WWOX: variants seen among roughly 807,000 people sequenced by gnomAD.
WWOX encodes the protein WW domain-containing oxidoreductase.
A neutral mutation model predicts 46.2 loss-of-function variants in WWOX; 69 were observed. The ratio of observed to expected loss-of-function variants is 1.49; its 90% CI spans 1.23 to 1.82. The LOEUF (loss-of-function observed/expected upper bound fraction) is 1.82. WWOX is among the 40% of genes most tolerant of loss of function. The pLI is 0.00. For missense variants in WWOX, 919 were observed against 542.6 expected, an observed-to-expected ratio of 1.69 and a Z score of -6.89; for synonymous variants, 359 against 202.6, an observed-to-expected ratio of 1.77 and a Z score of -6.56.
chr16:79,146,187 G>A (rs911274753), intron 8 of WWOX, among the ~76,000 whole-genome samples: 2 of 152,112 alleles, frequency 1.3e-5, no homozygotes, highest in African/African-American at 4.8e-5. Flanking sequence ...ATGAGCTCTT[G>A]GATTATGTTA....
chr16:78,386,228 C>T (rs560982481), intron 5 of WWOX, among the ~76,000 whole-genome samples: 1 of 152,306 alleles, frequency 6.6e-6, no homozygotes, highest in Non-Finnish European at 1.5e-5. Context: ...CAGCCCGTGG[C>T]AGGCCCTAAG....
At chr16:79,080,205 G>C (rs1033365654) in intron 8 of WWOX, among the ~76,000 whole-genome samples, 5 of 152,166 alleles carry the variant, frequency 3.3e-5, no homozygotes, top group Admixed American at 6.5e-5. Context: ...ATCCCACAGT[G>C]ACACAGCCAA....
chr16:78,530,747 A>G (rs1302649046), intron 8 of WWOX, among the ~76,000 whole-genome samples: 2 of 152,188 alleles, frequency 1.3e-5, no homozygotes, highest in African/African-American at 4.8e-5. Flanking sequence ...TGTCCCTATC[A>G]TTGATACCTG....
At chr16:78,983,870 C>CTTTTTTTTTTTTTT (rs760130115) in intron 8 of WWOX, among the ~76,000 whole-genome samples, 1 of 79,864 alleles carries the variant, frequency 1.3e-5, no homozygotes, top group Non-Finnish European at 2.2e-5. Context: ...GAGAGCTATT[C>CTTTTTTTTTTTTTT]TTTTTTTTTT....
intron 8 of WWOX, among the ~76,000 whole-genome samples, chr16:78,579,150 C>G (rs1199040914): frequency 2.6e-5 from 4 of 152,270 alleles, no homozygotes; most frequent in Non-Finnish European, 5.9e-5. Flanking sequence ...TTAAAAATCA[C>G]TTTAATGATT....
chr16:78,636,469 CTG>C (rs2046574091), intron 8 of WWOX, among the ~76,000 whole-genome samples: 1 of 152,212 alleles, frequency 6.6e-6, no homozygotes, highest in East Asian at 1.9e-4. Flanking sequence ...TTTGAATAAA[CTG>C]ATACTGACTT....
chr16:79,169,134 T>C (rs540047051), intron 8 of WWOX, among the ~76,000 whole-genome samples: 1 of 152,296 alleles, frequency 6.6e-6, no homozygotes, highest in African/African-American at 2.4e-5. Flanking sequence ...AGTCAACAAA[T>C]TTGGCCCATG....
intron 8 of WWOX, among the ~76,000 whole-genome samples, chr16:78,478,615 C>T (rs1245650356): frequency 3.3e-5 from 5 of 152,174 alleles, no homozygotes; most frequent in Admixed American, 2.6e-4. Flanking sequence ...CCTTTGGAAG[C>T]TGCATTAATT....
At chr16:78,848,290 T>C (rs948669882) in intron 8 of WWOX, among the ~76,000 whole-genome samples, 4 of 150,784 alleles carry the variant, frequency 2.7e-5, no homozygotes, top group Admixed American at 6.6e-5. Context: ...TTGATGTTGT[T>C]GTTAATGTTG....
At chr16:79,018,260 A>G (rs145633428) in intron 8 of WWOX, among the ~76,000 whole-genome samples, 98 of 152,302 alleles carry the variant, frequency 6.4e-4, no homozygotes, top group African/African-American at 2.1e-3. Context: ...AAAATCAGCA[A>G]TCAGCCATTT....
At chr16:78,369,060 C>T (rs1050654215) in intron 5 of WWOX, among the ~76,000 whole-genome samples, 9 of 149,772 alleles carry the variant, frequency 6.0e-5, no homozygotes, top group Admixed American at 1.3e-4. Context: ...TTTTTCTTTC[C>T]CTTTTTTTTT....
intron 8 of WWOX, among the ~76,000 whole-genome samples, chr16:78,944,177 T>G (rs992464008): frequency 6.6e-6 from 1 of 152,204 alleles, no homozygotes; most frequent in Admixed American, 6.5e-5. Context: ...CTTTCAAGAC[T>G]CAGCACAACA....
chr16:78,531,045 C>G (rs78513494), intron 8 of WWOX, among the ~76,000 whole-genome samples: 14 of 152,098 alleles, frequency 9.2e-5, no homozygotes, highest in Non-Finnish European at 1.3e-4. Context: ...CATTAACTGT[C>G]CTTGTTTTAT....
At chr16:78,295,749 A>C (rs551440158) in intron 5 of WWOX, among the ~76,000 whole-genome samples, 77 of 146,908 alleles carry the variant, frequency 5.2e-4, no homozygotes, top group Non-Finnish European at 9.8e-4. Flanking sequence ...AACAAACAAA[A>C]ACTTGTCTCC....
intron 8 of WWOX, among the ~76,000 whole-genome samples, chr16:78,524,927 G>T (rs1278307848): frequency 7.2e-6 from 1 of 138,118 alleles, no homozygotes; most frequent in African/African-American, 2.7e-5. Flanking sequence ...GTGCAGTGAC[G>T]TGATCAAGGC....
intron 8 of WWOX, chr16:78,506,637 G>T (rs1483647941): frequency 1.3e-5 from 2 of 150,694 alleles, no homozygotes; most frequent in Non-Finnish European, 2.9e-5. Flanking sequence ...CCTACCCAAG[G>T]TCTGGTCATT....
At chr16:79,095,158 A>AT (rs998225819) in intron 8 of WWOX, among the ~76,000 whole-genome samples, 1 of 152,122 alleles carries the variant, frequency 6.6e-6, no homozygotes, top group African/African-American at 2.4e-5. Context: ...ACTTAAGGGT[A>AT]TTTTTGCTGG....
At chr16:78,274,382 A>T (rs1325112017) in intron 5 of WWOX, among the ~76,000 whole-genome samples, 1 of 152,160 alleles carries the variant, frequency 6.6e-6, no homozygotes, top group Non-Finnish European at 1.5e-5. Context: ...TAATTTCTGA[A>T]TTCATCCTGA....
intron 8 of WWOX, among the ~76,000 whole-genome samples, chr16:78,850,376 C>G (rs2052412100): frequency 6.6e-6 from 1 of 152,058 alleles, no homozygotes; most frequent in South Asian, 2.1e-4. Context: ...CATTATAGCA[C>G]AAGTGTCTTC....
Sources: gnomAD v4.1 joint callset for allele counts (sites outside exome capture counted in the v4.1 genomes callset) on GRCh38, gnomAD v4.1.1 for gene constraint, MANE v1.5 for transcripts, NCBI Gene and HGNC (gene_info 2026-07-23, HGNC 2026-07-21) for gene names.